The following ADCY5 variants were observed in gnomAD, a reference collection of about 807,000 sequenced individuals.
ADCY5 encodes adenylate cyclase 5.
A neutral mutation model predicts 119.7 loss-of-function variants in ADCY5; 30 were observed. That is an observed-to-expected ratio of 0.25 (90% CI 0.19 to 0.34). The LOEUF (loss-of-function observed/expected upper bound fraction) is 0.34. Among genes scored for constraint, ADCY5 ranks in the 10% least tolerant of loss-of-function variants. ADCY5 has a pLI of 1.00. For synonymous variants in ADCY5, 753 were observed against 762.2 expected (o/e 0.99, Z 0.20); for missense variants, 1,324 against 1,775.2 (o/e 0.75, Z 4.57).
chr3:123,416,384 C>A, intron 1 of ADCY5: 1 of 1,490,262 alleles, frequency 6.7e-7, no homozygotes, highest in South Asian at 1.3e-5. Context: ...AGACACCAGG[C>A]TGCTTAACAG....
intron 1 of ADCY5, among the ~76,000 whole-genome samples, chr3:123,360,823 A>AGT (rs1467662402): frequency 2.0e-5 from 3 of 152,244 alleles, no homozygotes; most frequent in South Asian, 4.1e-4. Flanking sequence ...AGCAATATAT[A>AGT]GTCTGCAAAA....
Position 123,340,428 on chromosome 3 carries a change from C to A in ADCY5, c.1406+7354G>T, listed in dbSNP as rs1041567951. 1.4e-4 allele frequency among the ~76,000 whole-genome samples: 22 copies of A among 152,190 alleles called. 1 individual carries two copies. The highest frequency in any genetic ancestry group is 2.1e-4 in the South Asian group (1 of 4,836). Reference sequence around the variant, plus strand: ...TGACTTACCCAAGCCCAGAATAATACTTCTTATGTCTAAACTTTTATTAGA... The same window carrying A: ...TGACTTACCCAAGCCCAGAATAATAATTCTTATGTCTAAACTTTTATTAGA... On this transcript the variant is annotated intron_variant, in intron 3 of 20. Coordinates refer to ENST00000462833, the MANE Select transcript of ADCY5 (RefSeq NM_183357.3).
At chr3:123,346,898 C>T (rs888514080) in intron 3 of ADCY5, among the ~76,000 whole-genome samples, 23 of 152,250 alleles carry the variant, frequency 1.5e-4, no homozygotes, top group African/African-American at 5.1e-4. Flanking sequence ...TGTATCGCTT[C>T]GTGTCCCCGT....
intron 11 of ADCY5, 146 bp downstream of exon 11, chr3:123,317,873 AC>A (rs1941004822): frequency 1.4e-6 from 1 of 711,954 alleles, no homozygotes; most frequent in Non-Finnish European, 2.3e-6. Flanking sequence ...TTCCTACCCC[AC>A]CAAGGGCACA....
intron 1 of ADCY5, among the ~76,000 whole-genome samples, chr3:123,445,090 C>T (rs1945789384): frequency 1.3e-5 from 2 of 152,136 alleles, no homozygotes; most frequent in Admixed American, 1.3e-4. Flanking sequence ...GTTTGCATTC[C>T]CTTGTCTTGA....
intron 1 of ADCY5, chr3:123,420,111 C>A (rs549107304): frequency 6.6e-6 from 1 of 152,252 alleles, no homozygotes; most frequent in African/African-American, 2.4e-5. Context: ...AGGTGCGCTG[C>A]GGAGGGCCTT....
chr3:123,439,765 G>A (rs149665402), intron 1 of ADCY5, among the ~76,000 whole-genome samples: 115 of 152,242 alleles, frequency 7.6e-4, no homozygotes, highest in African/African-American at 2.6e-3. Context: ...GCCACAACCC[G>A]TCATCTTTGC....
At chr3:123,361,482 C>A (rs1943245309) in intron 1 of ADCY5, among the ~76,000 whole-genome samples, 1 of 145,144 alleles carries the variant, frequency 6.9e-6, no homozygotes, top group African/African-American at 2.5e-5. Context: ...CTGCCTATTC[C>A]CCACCCCACC....
chr3:123,395,088 G>T (rs1944504665), intron 1 of ADCY5, among the ~76,000 whole-genome samples: 1 of 152,140 alleles, frequency 6.6e-6, no homozygotes, highest in East Asian at 1.9e-4. Flanking sequence ...GTGCAGAAGG[G>T]CTCCCTAACT....
intron 1 of ADCY5, among the ~76,000 whole-genome samples, chr3:123,426,299 G>GGTT (rs1553748961): frequency 1.4e-3 from 136 of 97,998 alleles, no homozygotes; most frequent in African/African-American, 4.3e-3. Context: ...TTTCTTTTGT[G>GGTT]TTTTTTTTTT....
chr3:123,353,092 A>C (rs1047550484), intron 1 of ADCY5, among the ~76,000 whole-genome samples: 7 of 152,174 alleles, frequency 4.6e-5, no homozygotes, highest in Admixed American at 2.6e-4. Context: ...CAAAAGGGCA[A>C]GGCTGGCCAG....
At chr3:123,419,668 C>T (rs973406176) in intron 1 of ADCY5, among the ~76,000 whole-genome samples, 15 of 152,092 alleles carry the variant, frequency 9.9e-5, no homozygotes, top group Admixed American at 3.3e-4. Context: ...TCTGTGTACC[C>T]GGACATACGT....
chr3:123,327,802 A>C (rs1407213073), intron 6 of ADCY5, 43 bp from the exon 7 acceptor site: 1 of 1,607,920 alleles, frequency 6.2e-7, no homozygotes, highest in Middle Eastern at 1.7e-4. Context: ...CAGAAAACTC[A>C]AAGTCATAAT....
rs371231929 is a variant in ADCY5, at chr3:123,448,309, G to A, written c.237C>T (p.Asp79=). ...LASRWRSDDD[D]DPPLSGDDPL... The stretch of plus-strand genomic sequence containing the variant: ...GGTCGTCACCGCTCAGCGGAGGATC[G>A]TCGTCGTCGTCGCTGCGCCAGCGGC... The change falls in exon 1 of 21, where the codon GAC becomes GAT. Residue 79 remains aspartate (D), a synonymous_variant. Transcript: ENST00000462833. 3.3e-6 allele frequency: 5 copies of A among 1,521,170 alleles called. No individual in the cohort carries two copies. The highest frequency in any genetic ancestry group is 2.6e-6 in the Non-Finnish European group (3 of 1,143,452). 94.2% of individuals were successfully genotyped at this position (1,521,170 alleles called of 1,614,324 possible). A position where few individuals can be genotyped will look rare whatever the true frequency, so the allele number is the denominator to read the frequency against.
chr3:123,294,066 T>C (rs1398683373), intron 17 of ADCY5, among the ~76,000 whole-genome samples: 3 of 152,088 alleles, frequency 2.0e-5, no homozygotes, highest in Non-Finnish European at 4.4e-5. Flanking sequence ...CTAGGACAAT[T>C]TGAGCATTAA....
chr3:123,394,227 C>T (rs1358055328), intron 1 of ADCY5, among the ~76,000 whole-genome samples: 2 of 152,146 alleles, frequency 1.3e-5, no homozygotes, highest in African/African-American at 4.8e-5. Context: ...GATTTTAAAA[C>T]ATTTCTTTTC....
intron 3 of ADCY5, among the ~76,000 whole-genome samples, chr3:123,338,678 G>T (rs1942139141): frequency 1.3e-5 from 2 of 152,318 alleles, no homozygotes; most frequent in Non-Finnish European, 2.9e-5. Context: ...TTCCCTAATT[G>T]CCTGCCATCC....
At chr3:123,384,252 T>A (rs568800043) in intron 1 of ADCY5, among the ~76,000 whole-genome samples, 1 of 152,218 alleles carries the variant, frequency 6.6e-6, no homozygotes, top group Admixed American at 6.5e-5. Flanking sequence ...AGGTGGGACC[T>A]GCTGTCCCCT....
At position 123,352,591 on chromosome 3, in the gene ADCY5, G is replaced by C; in HGVS notation, c.1135-10C>G. The C allele has an allele frequency of 6.2e-7, 1 of 1,606,648 alleles. No individual in the cohort carries two copies. Among genetic ancestry groups the C allele is most frequent in the Non-Finnish European group, 8.5e-7 (1 of 1,174,830 alleles). ...GAACATTGGAGACAAGCTGCAGAGG[G>C]AGAGAGGAGCACACCTAGCTCAGAT... is the stretch of plus-strand genomic sequence containing the variant. On this transcript the variant is annotated splice_polypyrimidine_tract_variant and intron_variant, in intron 1 of 20. Coordinates refer to ENST00000462833, the MANE Select transcript of ADCY5 (RefSeq NM_183357.3). The surrounding 1 kb of genome is among the most constrained non-coding windows in gnomAD (Gnocchi z 4.8).
Sources: allele counts gnomAD v4.1 joint callset (sites outside exome capture counted in the v4.1 genomes callset), GRCh38; gene constraint gnomAD v4.1.1; non-coding constraint Gnocchi (gnomAD v3.1); transcripts MANE v1.5; gene names NCBI Gene and HGNC (gene_info 2026-07-23, HGNC 2026-07-21).